XRCC6: variants seen among roughly 807,000 people sequenced by gnomAD.
XRCC6 encodes X-ray repair cross complementing 6, also known as DNA repair protein Ku70.
A neutral mutation model predicts 65.7 loss-of-function variants in XRCC6; 5 were observed. The observed-to-expected ratio is 0.08, with a 90% CI of 0.04 to 0.16. The LOEUF (loss-of-function observed/expected upper bound fraction) is 0.16. Ranked by LOEUF, XRCC6 falls within the 10% of genes least tolerant of loss-of-function variation. XRCC6 has a pLI of 1.00. For synonymous variants in XRCC6, 270 were observed against 270.6 expected (o/e 1.00, Z 0.02); for missense variants, 447 against 738.1 (o/e 0.61, Z 4.57).
At chr22:41,640,066 C>T (rs1157185806) in intron 6 of XRCC6, among the ~76,000 whole-genome samples, 2 of 152,040 alleles carry the variant, frequency 1.3e-5, no homozygotes, top group Admixed American at 1.3e-4. Context: ...GTGTCTCACT[C>T]TTGCCCAGGC....
chr22:41,626,180 T>A (rs2067669007), intron 2 of XRCC6, among the ~76,000 whole-genome samples: 1 of 150,944 alleles, frequency 6.6e-6, no homozygotes, highest in Non-Finnish European at 1.5e-5. Flanking sequence ...TCTCGCTCTG[T>A]CACGCAGGCT....
At chr22:41,646,843 G>T in intron 6 of XRCC6, 53 bp from the exon 7 acceptor site, 5 of 1,466,732 alleles carry the variant, frequency 3.4e-6, no homozygotes, top group African/African-American at 1.4e-5. Context: ...GGGAATTTTA[G>T]ATAGAAAAGT....
chr22:41,646,419 T>G (rs988054929), intron 6 of XRCC6, among the ~76,000 whole-genome samples: 4 of 152,164 alleles, frequency 2.6e-5, no homozygotes, highest in African/African-American at 9.7e-5. Context: ...ATACAAACTA[T>G]CATTTTATTA....
At chr22:41,658,416 C>CCAAATTACTGGTGCAG in intron 11 of XRCC6, 64 bp downstream of exon 11, 7 of 1,491,852 alleles carry the variant, frequency 4.7e-6, no homozygotes, top group African/African-American at 1.4e-5. Flanking sequence ...CACTCTGCAC[C>CCAAATTACTGGTGCAG]AGTAATTTGG....
At chr22:41,631,720 C>T (rs1212468977) in intron 3 of XRCC6, among the ~76,000 whole-genome samples, 16 of 151,054 alleles carry the variant, frequency 1.1e-4, no homozygotes, top group Admixed American at 4.6e-4. Flanking sequence ...ACTTCCCAGA[C>T]GGGGTGGCGG....
At position 41,651,129 on chromosome 22, in the gene XRCC6, C is replaced by A. The variant is rs920585570; in HGVS notation, c.1129+238C>A. 3.3e-5 allele frequency among the ~76,000 whole-genome samples: 5 copies of A among 152,214 alleles called. No homozygotes were observed. The East Asian group carries it at 9.7e-4, about 30-fold the overall frequency. ...CCTGGCCAACATGGTGAAACCTCGT[C>A]TCTACTAAAAATACAAAATTTAGCC... On this transcript the variant is annotated intron_variant, in intron 8 of 12. Transcript: ENST00000360079.
At chr22:41,634,816 T>A (rs970441250) in intron 3 of XRCC6, among the ~76,000 whole-genome samples, 2 of 152,206 alleles carry the variant, frequency 1.3e-5, no homozygotes, top group African/African-American at 4.8e-5. Flanking sequence ...GTGCTGGGAT[T>A]ATAGGCATGA....
chr22:41,643,134 G>A (rs972767351), intron 6 of XRCC6, among the ~76,000 whole-genome samples: 2 of 152,216 alleles, frequency 1.3e-5, no homozygotes, highest in African/African-American at 4.8e-5. Flanking sequence ...ATAGCTGGCC[G>A]GGTGCGGTGG....
At chr22:41,639,667 CT>C (rs71184825) in intron 6 of XRCC6, among the ~76,000 whole-genome samples, 36 of 81,002 alleles carry the variant, frequency 4.4e-4, no homozygotes, top group Admixed American at 9.9e-4. Context: ...GATTCTCTCT[CT>C]TTTTTTTTTT....
chr22:41,644,896 C>G (rs2067915935), intron 6 of XRCC6, among the ~76,000 whole-genome samples: 1 of 152,078 alleles, frequency 6.6e-6, no homozygotes, highest in Non-Finnish European at 1.5e-5. Context: ...AACAGGGATA[C>G]TTGAGTTTGA....
intron 6 of XRCC6, among the ~76,000 whole-genome samples, chr22:41,640,158 C>CTT (rs202012277): frequency 6.6e-6 from 1 of 151,000 alleles, no homozygotes; most frequent in Non-Finnish European, 1.5e-5. Context: ...TCCCAAGTAG[C>CTT]TTTTTTTTGA....
intron 2 of XRCC6, among the ~76,000 whole-genome samples, chr22:41,626,285 G>A (rs1231192295): frequency 6.6e-6 from 1 of 151,198 alleles, no homozygotes; most frequent in African/African-American, 2.4e-5. Flanking sequence ...TGGGATTACA[G>A]GCATGCGCCA....
intron 9 of XRCC6, among the ~76,000 whole-genome samples, chr22:41,655,727 C>G (rs979930606): frequency 2.6e-5 from 4 of 151,386 alleles, no homozygotes; most frequent in Non-Finnish European, 4.4e-5. Flanking sequence ...TTTTTCCCCC[C>G]CTTCTTTTTT....
chr22:41,640,452 A>G (rs751744004), intron 6 of XRCC6, among the ~76,000 whole-genome samples: 18 of 152,174 alleles, frequency 1.2e-4, no homozygotes, highest in Admixed American at 5.9e-4. Flanking sequence ...CCCTGCCCCA[A>G]GTAGCTTTTT....
Position 41,653,518 on chromosome 22 carries a change from T to TTG in XRCC6, c.1130-9_1130-8dup. 4 of 1,559,148 alleles carry TTG rather than the reference T, an allele frequency of 2.6e-6. No homozygotes were observed. The highest frequency in any genetic ancestry group is 3.5e-6 in the Non-Finnish European group (4 of 1,145,338). ...TTTAGGAGGCTAGTCACTGGGCTTTTTGTTTTCTAGGGAGCTCAACCCTGT... is the reference window on the plus strand; with the variant it reads ...TTTAGGAGGCTAGTCACTGGGCTTTTTGTGTTTTCTAGGGAGCTCAACCCTGT... On this transcript the variant is annotated splice_polypyrimidine_tract_variant and intron_variant, in intron 8 of 12. Transcript: ENST00000360079.
chr22:41,627,773 C>G (rs1050350083), intron 2 of XRCC6, among the ~76,000 whole-genome samples: 1 of 152,120 alleles, frequency 6.6e-6, no homozygotes, highest in Non-Finnish European at 1.5e-5. Context: ...GCTCAGGAGG[C>G]TGAGTCAGGA....
chr22:41,637,192 A>C (rs1601537517), intron 5 of XRCC6, among the ~76,000 whole-genome samples: 1 of 144,032 alleles, frequency 6.9e-6, no homozygotes, highest in Admixed American at 7.2e-5. Context: ...CAAGCGATTC[A>C]CCTGCCTCAG....
intron 6 of XRCC6, among the ~76,000 whole-genome samples, chr22:41,639,646 T>C (rs528805092): frequency 2.8e-5 from 4 of 143,370 alleles, no homozygotes; most frequent in Non-Finnish European, 4.6e-5. Flanking sequence ...CATGTGTCCA[T>C]GTGTAGCCTA....
rs796370362 is a variant in XRCC6 at position 41,645,320 on chromosome 22, C to CA, written c.774-1567dup. Among the ~76,000 whole-genome samples, 341 of 147,310 alleles carry CA rather than the reference C, an allele frequency of 2.3e-3. 3 individuals carry two copies. Among genetic ancestry groups the CA allele is most frequent in the African/African-American group, 7.4e-3 (299 of 40,154 alleles). On this transcript the variant is annotated intron_variant, in intron 6 of 12. Transcript: ENST00000360079. Reference sequence around the variant, plus strand: ...ATCTTTAAAAAAAAAAAACAAAAAACAAAAAAAAACAAACAAAAAAGGCTG... The same window carrying CA: ...ATCTTTAAAAAAAAAAAACAAAAAACAAAAAAAAAACAAACAAAAAAGGCTG...
Sources: gnomAD v4.1 joint callset for allele counts (sites outside exome capture counted in the v4.1 genomes callset) on GRCh38, gnomAD v4.1.1 for gene constraint, MANE v1.5 for transcripts, NCBI Gene and HGNC (gene_info 2026-07-23, HGNC 2026-07-21) for gene names.